The following AAMDC variants were observed in gnomAD, a reference collection of about 807,000 sequenced individuals.
AAMDC encodes mth938 domain-containing protein.
In AAMDC, 16 loss-of-function variants were observed where a neutral mutation model predicts 15.5. The ratio of observed to expected loss-of-function variants is 1.03; its 90% CI spans 0.70 to 1.57. AAMDC has a LOEUF of 1.57. Ranked by LOEUF, AAMDC falls within the 40% of genes most tolerant of loss-of-function variation. The pLI is 0.00. For missense variants in AAMDC, 141 were observed against 144.9 expected (o/e 0.97, Z 0.14); for synonymous variants, 51 against 51.6 (o/e 0.99, Z 0.05).
intron 1 of AAMDC, among the ~76,000 whole-genome samples, chr11:77,841,529 G>A (rs190738694): frequency 6.6e-6 from 1 of 152,340 alleles, no homozygotes. Context: ...GTACAGGGGA[G>A]TGCGTTCAAA....
At chr11:77,884,705 C>A in intron 5 of AAMDC, 1 of 260,400 alleles carries the variant, frequency 3.8e-6, no homozygotes, top group South Asian at 3.7e-5. Context: ...CCCTATAATC[C>A]TTCATCTCTC....
chr11:77,834,441 G>GT (rs11438814), intron 1 of AAMDC, among the ~76,000 whole-genome samples: 34,658 of 105,768 alleles, frequency 0.33, 5,863 homozygotes, highest in East Asian at 0.44. Flanking sequence ...AGTTGATTTT[G>GT]TTTTTTTTTT....
intron 1 of AAMDC, among the ~76,000 whole-genome samples, chr11:77,832,993 G>A (rs371437422): frequency 0.36 from 19,188 of 53,242 alleles, 3,786 homozygotes; most frequent in African/African-American, 0.52. Flanking sequence ...GTGTGTGTGT[G>A]TGTGTATATA....
At chr11:77,862,912 A>G (rs1245387375) in intron 2 of AAMDC, among the ~76,000 whole-genome samples, 3 of 152,220 alleles carry the variant, frequency 2.0e-5, no homozygotes, top group East Asian at 1.9e-4. Context: ...TCTCCAGAAT[A>G]TATCTTAGGG....
chr11:77,855,129 C>T (rs1001666898), intron 2 of AAMDC, among the ~76,000 whole-genome samples: 40 of 152,278 alleles, frequency 2.6e-4, no homozygotes, highest in Admixed American at 2.6e-3. Flanking sequence ...GCAGTGAGGC[C>T]TTGTACCTGT....
At chr11:77,898,120 T>A (rs1469145720) in intron 5 of AAMDC, among the ~76,000 whole-genome samples, 1 of 151,980 alleles carries the variant, frequency 6.6e-6, no homozygotes. Flanking sequence ...CTACCCCAAA[T>A]TGTTATTATT....
At chr11:77,832,329 A>G (rs1367981841) in intron 1 of AAMDC, among the ~76,000 whole-genome samples, 4 of 73,770 alleles carry the variant, frequency 5.4e-5, no homozygotes, top group African/African-American at 3.7e-4. Context: ...AAATAGAGGA[A>G]CTTTTTTTTT....
Position 77,869,712 on chromosome 11 carries a change from C to T in AAMDC, c.133-10C>T, listed in dbSNP as rs577881120. On this transcript the variant is annotated splice_polypyrimidine_tract_variant and intron_variant, in intron 2 of 3. Transcript: ENST00000393427. Reference sequence around the variant, plus strand: ...GCAGGTACCTGTCTACTTTCTCTTTCCACATCCAGCATTCTCCTGGTGTGC... The same window carrying T: ...GCAGGTACCTGTCTACTTTCTCTTTTCACATCCAGCATTCTCCTGGTGTGC... The T allele has an allele frequency of 1.8e-5, 29 of 1,612,994 alleles. No homozygotes were observed. In the Admixed American group the frequency reaches 3.0e-4, roughly 17 times the overall value.
intron 5 of AAMDC, chr11:77,891,779 T>C (rs770883686): frequency 1.7e-5 from 27 of 1,611,812 alleles, no homozygotes; most frequent in Non-Finnish European, 2.1e-5. Context: ...AGTCGGGGCA[T>C]AAGGTCAAGG....
chr11:77,899,595 A>G lies in AAMDC; in HGVS notation c.329-976A>G, dbSNP rs1437038529. 1.3e-3 allele frequency among the ~76,000 whole-genome samples: 196 copies of G among 151,820 alleles called. 1 individual carries two copies. Among genetic ancestry groups the G allele is most frequent in the African/African-American group, 4.7e-3 (194 of 41,212 alleles). On this transcript the variant is annotated intron_variant, in intron 5 of 5. Coordinates refer to the AAMDC transcript ENST00000304716. Reference sequence around the variant, plus strand: ...TGAGGCAGGAGAATCGCTTGAACCCAGGAGGCAGAGGTTGCAGTGAGCTGA... The same window carrying G: ...TGAGGCAGGAGAATCGCTTGAACCCGGGAGGCAGAGGTTGCAGTGAGCTGA...
At chr11:77,832,330 C>CT (rs5792777) in intron 1 of AAMDC, among the ~76,000 whole-genome samples, 11 of 147,726 alleles carry the variant, frequency 7.4e-5, no homozygotes, top group South Asian at 2.1e-4. Flanking sequence ...AATAGAGGAA[C>CT]TTTTTTTTTT....
downstream of AAMDC, among the ~76,000 whole-genome samples, chr11:77,875,902 GAC>G (rs1342795127): frequency 6.6e-6 from 1 of 152,152 alleles, no homozygotes; most frequent in African/African-American, 2.4e-5. Context: ...GGAGTACAGA[GAC>G]AGTTTGGGAC....
intron 2 of AAMDC, among the ~76,000 whole-genome samples, chr11:77,854,208 T>G (rs959512783): frequency 6.6e-6 from 1 of 151,982 alleles, no homozygotes; most frequent in Non-Finnish European, 1.5e-5. Context: ...TAGCCAGGAT[T>G]GGCTCGATCT....
intron 1 of AAMDC, among the ~76,000 whole-genome samples, chr11:77,830,676 G>A (rs1444253933): frequency 6.6e-6 from 1 of 151,712 alleles, no homozygotes; most frequent in Admixed American, 6.6e-5. Context: ...GTTACACAGT[G>A]GCACCCCAAA....
At chr11:77,901,957 T>G (rs183076625), downstream of AAMDC, among the ~76,000 whole-genome samples, 28 of 152,166 alleles carry the variant, frequency 1.8e-4, no homozygotes, top group Non-Finnish European at 1.5e-5. Context: ...TAACCATATG[T>G]TAGTTATCCT....
chr11:77,874,069 T>C (rs1285546683), downstream of AAMDC, among the ~76,000 whole-genome samples: 1 of 152,102 alleles, frequency 6.6e-6, no homozygotes, highest in Admixed American at 6.5e-5. Flanking sequence ...AGTGAAGGGA[T>C]TTATTTTTTT....
At chr11:77,844,368 CTT>C (rs1950055278) in intron 2 of AAMDC, among the ~76,000 whole-genome samples, 1 of 151,810 alleles carries the variant, frequency 6.6e-6, no homozygotes, top group South Asian at 2.1e-4. Context: ...TTCTTTCTTT[CTT>C]TGTTTTTTTT....
At chr11:77,871,129 T>C (rs1453634086) in intron 3 of AAMDC, among the ~76,000 whole-genome samples, 1 of 152,212 alleles carries the variant, frequency 6.6e-6, no homozygotes, top group Admixed American at 6.5e-5. Flanking sequence ...AATTTTAAAC[T>C]AGTTTGTTTT....
rs1950156012 is a variant in AAMDC, at chr11:77,846,544, TAAC to T, written c.132+3919_132+3921del. 2.6e-5 allele frequency among the ~76,000 whole-genome samples: 4 copies of T among 152,256 alleles called. No individual in the cohort carries two copies. In the South Asian group the frequency reaches 8.3e-4, roughly 32 times the overall value. Reference sequence around the variant, plus strand: ...CAACGTGGAGAAACCCCGTCTCTACTAACAATACAAAATTAGCCGGGTGTGGTG... The same window carrying T: ...CAACGTGGAGAAACCCCGTCTCTACTAATACAAAATTAGCCGGGTGTGGTG... On this transcript the variant is annotated intron_variant, in intron 2 of 3. Transcript: ENST00000393427.
Sources: allele counts gnomAD v4.1 joint callset (sites outside exome capture counted in the v4.1 genomes callset), GRCh38; gene constraint gnomAD v4.1.1; transcripts MANE v1.5; gene names NCBI Gene and HGNC (gene_info 2026-07-23, HGNC 2026-07-21).